Variants in WDR91 observed in about 807,000 individuals in gnomAD.
WDR91 encodes the protein WD repeat domain 91.
In WDR91, 52 loss-of-function variants were observed where a neutral mutation model predicts 88.4. That is an observed-to-expected ratio of 0.59 (90% CI 0.47 to 0.74). The LOEUF (loss-of-function observed/expected upper bound fraction) is 0.74, where lower values mean the gene tolerates loss of function less well. Ranked by LOEUF, WDR91 falls within the 30% of genes least tolerant of loss-of-function variation. The probability of loss-of-function intolerance (pLI) is 0.00; values close to 1 mark genes in which losing one functional copy is unlikely to be tolerated. For missense variants in WDR91, 824 were observed against 954.5 expected (o/e 0.86, Z 1.80); for synonymous variants, 362 against 389.5 (o/e 0.93, Z 0.83).
In WDR91 at chr7:135,196,659, G is replaced by A. The variant is rs111365391; in HGVS notation, c.1051-322C>T. 1.2e-4 allele frequency among the ~76,000 whole-genome samples: 19 copies of A among 152,316 alleles called. 1 individual carries two copies. Among genetic ancestry groups the A allele is most frequent in the East Asian group, 3.9e-4 (2 of 5,180 alleles). Reference sequence around the variant, plus strand: ...TGACAACAGGCCAGGCGGAGGATGCGTGGTGCAGGCCACACACCGCGCTGA... The same window carrying A: ...TGACAACAGGCCAGGCGGAGGATGCATGGTGCAGGCCACACACCGCGCTGA... On this transcript the variant is annotated intron_variant, in intron 7 of 14. Coordinates refer to ENST00000354475, the MANE Select transcript of WDR91 (RefSeq NM_014149.4). This position sits in a 1 kb window ranked among gnomAD's most constrained non-coding sequence, Gnocchi z 4.2.
At chr7:135,208,501 C>G (rs1273677621) in intron 3 of WDR91, among the ~76,000 whole-genome samples, 1 of 152,176 alleles carries the variant, frequency 6.6e-6, no homozygotes, top group Non-Finnish European at 1.5e-5. Flanking sequence ...CAGCTGCCTT[C>G]CAACCCCAGT....
chr7:135,198,358 G>A lies in WDR91; in HGVS notation c.892-207C>T, dbSNP rs1831452648. ...TGTCCTCTACCCGTTAAGAGGACAGGTCACCTGCAATCCTCATCCTGCGGT... is the reference window on the plus strand; with the variant it reads ...TGTCCTCTACCCGTTAAGAGGACAGATCACCTGCAATCCTCATCCTGCGGT... On this transcript the variant is annotated intron_variant, in intron 6 of 14. Transcript: ENST00000354475. 3 of 546,866 alleles carry A rather than the reference G, an allele frequency of 5.5e-6. No homozygotes were observed. In the African/African-American group the frequency reaches 5.6e-5, roughly 10 times the overall value. The allele number at this position is 546,866 out of a possible 1,614,324, so 33.9% of individuals were successfully genotyped here.
intron 6 of WDR91, among the ~76,000 whole-genome samples, chr7:135,202,998 T>C (rs1831627520): frequency 6.6e-6 from 1 of 152,224 alleles, no homozygotes; most frequent in Admixed American, 6.5e-5. Context: ...CAACATTTAC[T>C]GAGTGCTGAC....
intron 4 of WDR91, among the ~76,000 whole-genome samples, chr7:135,206,645 A>C (rs1378234401): frequency 6.6e-6 from 1 of 152,116 alleles, no homozygotes; most frequent in East Asian, 1.9e-4. Flanking sequence ...TTGTTTTATC[A>C]AACTAGAGAA....
rs1248396531 is a variant in WDR91, at chr7:135,196,479, C to G, written c.1051-142G>C. The G allele has an allele frequency of 2.6e-6, 2 of 765,294 alleles. No individual in the cohort carries two copies. The highest frequency in any genetic ancestry group is 3.8e-6 in the Non-Finnish European group (2 of 523,978). The allele number at this position is 765,294 out of a possible 1,614,324, so 47.4% of individuals were successfully genotyped here. On this transcript the variant is annotated intron_variant, in intron 7 of 14. Coordinates refer to ENST00000354475, the MANE Select transcript of WDR91 (RefSeq NM_014149.4). The surrounding 1 kb of genome is among the most constrained non-coding windows in gnomAD (Gnocchi z 4.2). ...GAGTGGAGAGGAGAGCTCTGACCTG[C>G]GAGGGTAGTGCTCAGCTCACCCTGG...
chr7:135,200,641 C>T (rs886494827), intron 6 of WDR91, among the ~76,000 whole-genome samples: 47 of 152,106 alleles, frequency 3.1e-4, no homozygotes, highest in Admixed American at 9.8e-4. Context: ...TTAAGTGCAA[C>T]CCTCATAATA....
chr7:135,188,427 G>A lies in WDR91; in HGVS notation c.1881+6C>T, dbSNP rs778997172. On this transcript the variant is annotated splice_donor_region_variant and intron_variant, in intron 13 of 14. Coordinates refer to ENST00000354475, the MANE Select transcript of WDR91 (RefSeq NM_014149.4). ...GCTCTCTTATCTGAATCCTGCAGCC[G>A]CCTACCTTCCCGTCCTCGCCGATGC... The A allele has an allele frequency of 3.3e-5, 53 of 1,612,252 alleles. No homozygotes were observed. Among genetic ancestry groups the A allele is most frequent in the Admixed American group, 2.8e-4 (17 of 59,982 alleles).
In WDR91 at chr7:135,195,008, T is replaced by C; in HGVS notation, c.1321A>G (p.Met441Val). 2.5e-6 allele frequency: 4 copies of C among 1,614,174 alleles called. No individual in the cohort carries two copies. The highest frequency in any genetic ancestry group is 3.4e-6 in the Non-Finnish European group (4 of 1,180,044). Residue 441 changes from methionine to valine, a missense_variant, in exon 9 of 15, where the codon ATG becomes GTG. Coordinates refer to ENST00000354475, the MANE Select transcript of WDR91 (RefSeq NM_014149.4). ...GAAATGGAGGATGCTTTGGTCTGCA[T>C]GATGGGGTTGAAGGACCACACTTTG... is the stretch of plus-strand genomic sequence containing the variant. ...VIKVWSFNPIMQTKASSISKS... is the reference protein window; with the variant it reads ...VIKVWSFNPIVQTKASSISKS...
At position 135,209,704 on chromosome 7, in the gene WDR91, C is replaced by T; in HGVS notation, c.175G>A (p.Ala59Thr). 1 of 1,613,126 alleles carries T rather than the reference C, an allele frequency of 6.2e-7. No homozygotes were observed. The highest frequency in any genetic ancestry group is 8.5e-7 in the Non-Finnish European group (1 of 1,179,586). ...LQQLMQVYDL[A>T]ALRDYWSYLE... The stretch of plus-strand genomic sequence containing the variant: ...TAGCTCCAATAATCCCGAAGGGCAG[C>T]CAAGTCATACACCTGCATTAACTGC... The change falls in exon 2 of 15, where the codon GCT becomes ACT. Residue 59 changes from alanine (A) to threonine (T), a missense_variant. Ala to Thr is a moderately conservative substitution (Grantham distance 58). Coordinates refer to ENST00000354475, the MANE Select transcript of WDR91 (RefSeq NM_014149.4).
chr7:135,193,600 T>A lies in WDR91; in HGVS notation c.1468A>T (p.Asn490Tyr), dbSNP rs759699055. 3.1e-6 allele frequency: 5 copies of A among 1,614,064 alleles called. No homozygotes were observed. Among genetic ancestry groups the A allele is most frequent in the Non-Finnish European group, 4.2e-6 (5 of 1,180,034 alleles). ...CACCTGGGCATGTTGTCGTTGATAT[T>A]GATTTCACAGAGATTCTTCTTGGCT... ...TEAKKNLCEI[N>Y]INDNMPRILS... The change falls in exon 10 of 15, where the codon AAT becomes TAT. Residue 490 changes from asparagine to tyrosine, a missense_variant. Coordinates refer to ENST00000354475, the MANE Select transcript of WDR91 (RefSeq NM_014149.4).
At chr7:135,191,604 CAAAAAAA>C (rs10717249) in intron 11 of WDR91, among the ~76,000 whole-genome samples, 1 of 82,930 alleles carries the variant, frequency 1.2e-5, no homozygotes, top group African/African-American at 5.1e-5. Flanking sequence ...GACTCCATCT[CAAAAAAA>C]AAAAAAAAAA....
At chr7:135,190,804 C>T (rs776530504) in intron 11 of WDR91, among the ~76,000 whole-genome samples, 5 of 152,048 alleles carry the variant, frequency 3.3e-5, no homozygotes, top group Non-Finnish European at 5.9e-5. Flanking sequence ...TCTGAAGAAA[C>T]TATTATCAAG....
At chr7:135,193,556 T>C in intron 10 of WDR91, 22 bp downstream of exon 10, 1 of 1,613,562 alleles carries the variant, frequency 6.2e-7, no homozygotes, top group East Asian at 2.2e-5. Flanking sequence ...GCCTTGATGG[T>C]GGGGGGTAGG....
At chr7:135,208,122 C>T (rs2117722883) in intron 3 of WDR91, among the ~76,000 whole-genome samples, 1 of 152,296 alleles carries the variant, frequency 6.6e-6, no homozygotes, top group East Asian at 1.9e-4. Context: ...TTTATCAGTG[C>T]CTCACCAGCC....
rs10717249 is a variant in WDR91, at chr7:135,191,604, C to CAAAAAAA, written c.1659+1620_1659+1626dup. Among the ~76,000 whole-genome samples, 10 of 82,780 alleles carry CAAAAAAA rather than the reference C, an allele frequency of 1.2e-4. No individual in the cohort carries two copies. In the South Asian group the frequency reaches 2.0e-3, roughly 16 times the overall value. The allele number at this position is 82,780 out of a possible 152,430, so 54.3% of individuals were successfully genotyped here. Reference sequence around the variant, plus strand: ...TGGGTGACAGAGCAAGACTCCATCTCAAAAAAAAAAAAAAAAAAAAAGTAA... The same window carrying CAAAAAAA: ...TGGGTGACAGAGCAAGACTCCATCTCAAAAAAAAAAAAAAAAAAAAAAAAAAAAGTAA... On this transcript the variant is annotated intron_variant, in intron 11 of 14. Transcript: ENST00000354475.
Position 135,196,212 on chromosome 7 carries a change from GGGGCGGACTCCTCCACCCTCA to G in WDR91, c.1155_1175del (p.Gly387_Glu393del). ...GTCCCAGCACAATAAAGGGCTGCTC[GGGGCGGACTCCTCCACCCTCA>G]GGGCCTGCCGAGGATGCCCGAGTCA... On this transcript the variant is annotated inframe_deletion, in exon 8 of 15. Transcript: ENST00000354475. This position sits in a 1 kb window ranked among gnomAD's most constrained non-coding sequence, Gnocchi z 4.2. The G allele has an allele frequency of 6.2e-7, 1 of 1,611,018 alleles. No homozygotes were observed. The highest frequency in any genetic ancestry group is 8.5e-7 in the Non-Finnish European group (1 of 1,178,386).
intron 2 of WDR91, 154 bp downstream of exon 2, chr7:135,209,422 A>G (rs1169746133): frequency 1.4e-6 from 1 of 699,428 alleles, no homozygotes; most frequent in East Asian, 3.1e-5. Flanking sequence ...AGGAAAAAAA[A>G]GAAGAAAAAC....
intron 11 of WDR91, 49 bp downstream of exon 11, chr7:135,193,182 T>C (rs1831232148): frequency 5.6e-6 from 9 of 1,594,274 alleles, no homozygotes; most frequent in Non-Finnish European, 7.7e-6. Flanking sequence ...CCCAGGGGAA[T>C]ACAGAGTGTG....
chr7:135,205,342 T>A, intron 5 of WDR91, among the ~76,000 whole-genome samples: 1 of 152,240 alleles, frequency 6.6e-6, no homozygotes, highest in Non-Finnish European at 1.5e-5. Context: ...TTATCCTGAC[T>A]ACACATATCT....
Sources: allele counts gnomAD v4.1 joint callset (sites outside exome capture counted in the v4.1 genomes callset), GRCh38; gene constraint gnomAD v4.1.1; non-coding constraint Gnocchi (gnomAD v3.1); transcripts MANE v1.5; gene names NCBI Gene and HGNC (gene_info 2026-07-23, HGNC 2026-07-21).